Variants in NIBAN2 observed in about 807,000 individuals in gnomAD.
NIBAN2 encodes niban apoptosis regulator 2.
NIBAN2 carries 36 observed loss-of-function variants against 81.8 expected under a neutral mutation model. The ratio of observed to expected loss-of-function variants is 0.44; its 90% CI spans 0.34 to 0.58. NIBAN2 has a LOEUF of 0.58. Ranked by LOEUF, NIBAN2 falls within the 20% of genes least tolerant of loss-of-function variation. The pLI, the probability that NIBAN2 is intolerant of heterozygous loss-of-function variation, is 0.02. For missense variants in NIBAN2, 897 were observed against 1,014.1 expected (o/e 0.88, Z 1.57); for synonymous variants, 445 against 441.6 (o/e 1.01, Z -0.10).
chr9:127,567,217 G>T (rs569688066), intron 1 of NIBAN2, among the ~76,000 whole-genome samples: 1 of 152,022 alleles, frequency 6.6e-6, no homozygotes, highest in East Asian at 1.9e-4. Flanking sequence ...AAACCCCACC[G>T]AATGCAAGGC....
At chr9:127,551,186 C>T (rs1355810071) in intron 1 of NIBAN2, among the ~76,000 whole-genome samples, 3 of 152,098 alleles carry the variant, frequency 2.0e-5, no homozygotes, top group African/African-American at 4.8e-5. Flanking sequence ...GTCAGGAGTT[C>T]GAGACCAGCC....
intron 1 of NIBAN2, among the ~76,000 whole-genome samples, chr9:127,568,223 G>T (rs1837891630): frequency 6.6e-6 from 1 of 152,124 alleles, no homozygotes; most frequent in Non-Finnish European, 1.5e-5. Context: ...TGCTAGCAGG[G>T]GCAGCCTGCT....
chr9:127,561,768 A>T (rs1301273331), intron 1 of NIBAN2, among the ~76,000 whole-genome samples: 1 of 152,252 alleles, frequency 6.6e-6, no homozygotes, highest in African/African-American at 2.4e-5. Context: ...AAAATTTTTG[A>T]GATCAAAAGA....
At position 127,507,330 on chromosome 9, in the gene NIBAN2, G is replaced by T. The variant is rs1357674150; in HGVS notation, c.1756C>A (p.Pro586Thr). Residue 586 changes from proline (P) to threonine (T), a missense_variant, in exon 14 of 14, where the codon CCC becomes ACC. Physicochemically the swap from Pro to Thr is conservative, Grantham distance 38 (BLOSUM62 -1). Transcript: ENST00000373312. This position sits in a 1 kb window ranked among gnomAD's most constrained non-coding sequence, Gnocchi z 6.8. The stretch of plus-strand genomic sequence containing the variant: ...CTGTACTCCTCGCCCCAGTCGATGG[G>T]GGCGCCCTCGGCCAGCAGGTGCAGG... ...PNLHLLAEGAPIDWGEEYSNS... is the reference protein window; with the variant it reads ...PNLHLLAEGATIDWGEEYSNS... 1 of 1,558,438 alleles carries T rather than the reference G, an allele frequency of 6.4e-7. No homozygotes were observed. The highest frequency in any genetic ancestry group is 8.7e-7 in the Non-Finnish European group (1 of 1,149,026).
chr9:127,557,544 G>A (rs917937595), intron 1 of NIBAN2, among the ~76,000 whole-genome samples: 4 of 152,230 alleles, frequency 2.6e-5, no homozygotes, highest in African/African-American at 9.6e-5. Flanking sequence ...GGGGCCTCCA[G>A]GCAGGGCAAG....
At chr9:127,548,940 A>G (rs1406019703) in intron 1 of NIBAN2, among the ~76,000 whole-genome samples, 4 of 152,194 alleles carry the variant, frequency 2.6e-5, no homozygotes, top group Non-Finnish European at 4.4e-5. Flanking sequence ...TCAGATGCCC[A>G]GGATAAGGGA....
intron 2 of NIBAN2, among the ~76,000 whole-genome samples, chr9:127,528,385 T>A (rs1327310512): frequency 6.6e-6 from 1 of 152,224 alleles, no homozygotes; most frequent in Non-Finnish European, 1.5e-5. Flanking sequence ...AAATTCTATT[T>A]GTTCTACAAT....
rs1564301248 is a variant in NIBAN2, at chr9:127,523,186, AAAAAAAATATATATATATATATAT to A, written c.589+469_589+492del. ...GGTGGTTTTAAAAAAAAAAAAAAAA[AAAAAAAATATATATATATATATAT>A]ATATATATATATATATATATATATA... On this transcript the variant is annotated intron_variant, in intron 5 of 13. Transcript: ENST00000373312. 8.8e-4 allele frequency among the ~76,000 whole-genome samples: 29 copies of A among 32,920 alleles called. 2 individuals are homozygous for A. Among genetic ancestry groups the A allele is most frequent in the African/African-American group, 3.6e-3 (26 of 7,230 alleles). 21.6% of individuals were successfully genotyped at this position (32,920 alleles called of 152,430 possible). A position where few individuals can be genotyped will look rare whatever the true frequency, so the allele number is the denominator to read the frequency against.
At chr9:127,576,144 G>A (rs1838006540) in intron 1 of NIBAN2, among the ~76,000 whole-genome samples, 1 of 152,218 alleles carries the variant, frequency 6.6e-6, no homozygotes, top group South Asian at 2.1e-4. Context: ...CACGTATGAT[G>A]TGCAGAACAC....
chr9:127,548,831 G>A (rs1837520346), intron 1 of NIBAN2, among the ~76,000 whole-genome samples: 1 of 152,140 alleles, frequency 6.6e-6, no homozygotes, highest in African/African-American at 2.4e-5. Flanking sequence ...CAGACGCTGG[G>A]GAAGTCCAGC....
At chr9:127,526,023 T>C (rs1181856246) in intron 3 of NIBAN2, among the ~76,000 whole-genome samples, 1 of 152,184 alleles carries the variant, frequency 6.6e-6, no homozygotes, top group Non-Finnish European at 1.5e-5. Flanking sequence ...ACACAGTTCC[T>C]GAAAGTAGCT....
chr9:127,562,982 A>G (rs569267178), intron 1 of NIBAN2, among the ~76,000 whole-genome samples: 1 of 152,340 alleles, frequency 6.6e-6, no homozygotes, highest in East Asian at 1.9e-4. Flanking sequence ...TGATCGACAC[A>G]GATGGGAAGT....
At position 127,524,973 on chromosome 9, in the gene NIBAN2, AGCAATGGGCTCAG is replaced by A. The variant is rs113047373; in HGVS notation, c.421+72_421+84del. 7.3e-4 allele frequency: 740 copies of A among 1,007,440 alleles called. No homozygotes were observed. The African/African-American group carries it at 0.011, about 14-fold the overall frequency. 62.4% of individuals were successfully genotyped at this position (1,007,440 alleles called of 1,614,324 possible). A position where few individuals can be genotyped will look rare whatever the true frequency, so the allele number is the denominator to read the frequency against. On this transcript the variant is annotated intron_variant, in intron 4 of 13. Coordinates refer to ENST00000373312, the MANE Select transcript of NIBAN2 (RefSeq NM_022833.4). ...GTCTCTCCGCAAACATGGGGCTGAA[AGCAATGGGCTCAG>A]GGCCACCCCTCCCCTGGCCAGCTCC...
intron 1 of NIBAN2, among the ~76,000 whole-genome samples, chr9:127,539,380 C>T (rs61295300): frequency 0.02 from 3,098 of 152,280 alleles, 106 homozygotes; most frequent in African/African-American, 0.071. Context: ...AATGAGGCAA[C>T]ACAAGGCTTT....
intron 3 of NIBAN2, among the ~76,000 whole-genome samples, chr9:127,526,722 C>A (rs1837072848): frequency 6.6e-6 from 1 of 152,106 alleles, no homozygotes; most frequent in Non-Finnish European, 1.5e-5. Context: ...CACAATGCTC[C>A]CATAGGATGT....
intron 8 of NIBAN2, among the ~76,000 whole-genome samples, chr9:127,511,618 A>G (rs1836737692): frequency 6.6e-6 from 1 of 152,178 alleles, no homozygotes; most frequent in Non-Finnish European, 1.5e-5. Context: ...CTGAGATTGG[A>G]CTCTGATCTT....
chr9:127,551,064 G>C (rs2491102), intron 1 of NIBAN2, among the ~76,000 whole-genome samples: 74,511 of 151,838 alleles, frequency 0.49, 19,334 homozygotes, highest in East Asian at 0.81. Context: ...GATCCCCACC[G>C]CACAAAGGGA....
intron 8 of NIBAN2, 144 bp from the exon 9 acceptor site, chr9:127,510,477 C>T: frequency 2.0e-6 from 1 of 507,628 alleles, no homozygotes; most frequent in Non-Finnish European, 3.1e-6. Flanking sequence ...CGCTCTGTCG[C>T]CCAGGCTGGA....
At chr9:127,575,230 C>T (rs1588197511) in intron 1 of NIBAN2, among the ~76,000 whole-genome samples, 1 of 122,544 alleles carries the variant, frequency 8.2e-6, no homozygotes, top group African/African-American at 3.1e-5. Flanking sequence ...AATATGGATT[C>T]TTTTTTTTTT....
Sources: allele counts gnomAD v4.1 joint callset (sites outside exome capture counted in the v4.1 genomes callset), GRCh38; gene constraint gnomAD v4.1.1; non-coding constraint Gnocchi (gnomAD v3.1); transcripts MANE v1.5; gene names NCBI Gene and HGNC (gene_info 2026-07-23, HGNC 2026-07-21).